NIPAL3: variants seen among roughly 807,000 people sequenced by gnomAD.
NIPAL3 encodes NIPA-like protein 3.
Under a neutral mutation model 47.2 loss-of-function variants are expected in NIPAL3, and 41 were observed. That is an observed-to-expected ratio of 0.87 (90% CI 0.68 to 1.13). NIPAL3 has a LOEUF of 1.13. Ranked by LOEUF, NIPAL3 falls within the 50% of genes most tolerant of loss-of-function variation. The pLI, the probability that NIPAL3 is intolerant of heterozygous loss-of-function variation, is 0.00. For synonymous variants in NIPAL3, 194 were observed against 209.6 expected (o/e 0.93, Z 0.64); for missense variants, 449 against 530.1 (o/e 0.85, Z 1.50).
chr1:24,436,313 C>T (rs1205211872), intron 2 of NIPAL3, among the ~76,000 whole-genome samples: 4 of 151,662 alleles, frequency 2.6e-5, no homozygotes, highest in Non-Finnish European at 4.4e-5. Context: ...TTTTTTTACC[C>T]TGCTCCACCC....
At chr1:24,429,780 ATTGCAATTCAGTTTGC>A (rs1644796293) in intron 2 of NIPAL3, among the ~76,000 whole-genome samples, 1 of 152,210 alleles carries the variant, frequency 6.6e-6, no homozygotes, top group Non-Finnish European at 1.5e-5. Context: ...TACTGGTTAC[ATTGCAATTCAGTTTGC>A]TTACATAGGA....
Position 24,416,006 on chromosome 1 carries a change from TCC to T in NIPAL3, c.-258+103_-258+104del. The T allele has an allele frequency of 1.0e-6, 1 of 985,442 alleles. No homozygotes were observed. Among genetic ancestry groups the T allele is most frequent in the Non-Finnish European group, 1.2e-6 (1 of 829,962 alleles). 61.0% of individuals were successfully genotyped at this position (985,442 alleles called of 1,614,324 possible). ...TAACGTCCCCTAGTGTACATACCCT[TCC>T]TTCTTACTGTCACCAGCCTCGCCAA... is the stretch of plus-strand genomic sequence containing the variant. On this transcript the variant is annotated intron_variant, in intron 1 of 11. Coordinates refer to ENST00000374399, the MANE Select transcript of NIPAL3 (RefSeq NM_020448.5). This position sits in a 1 kb window ranked among gnomAD's most constrained non-coding sequence, Gnocchi z 4.8.
chr1:24,450,129 C>A (rs570264385), intron 6 of NIPAL3, among the ~76,000 whole-genome samples: 1 of 152,272 alleles, frequency 6.6e-6, no homozygotes, highest in Admixed American at 6.5e-5. Flanking sequence ...ACAGTAATAT[C>A]AAAACCATTA....
chr1:24,423,639 C>CA (rs1644438808), intron 2 of NIPAL3, among the ~76,000 whole-genome samples: 3 of 151,840 alleles, frequency 2.0e-5, no homozygotes, highest in East Asian at 3.9e-4. Flanking sequence ...CACACACACA[C>CA]ACAAAAAAGG....
intron 2 of NIPAL3, among the ~76,000 whole-genome samples, chr1:24,436,977 C>T (rs1311695857): frequency 1.3e-5 from 2 of 151,074 alleles, no homozygotes; most frequent in African/African-American, 2.4e-5. Flanking sequence ...ACTGGCTGGG[C>T]GTGGTGGCTC....
chr1:24,415,988 C>T, intron 1 of NIPAL3, 84 bp downstream of exon 1: 1 of 985,220 alleles, frequency 1.0e-6, no homozygotes, highest in Non-Finnish European at 1.2e-6. Context: ...ACCTAACGTC[C>T]CCTAGTGTAC....
intron 8 of NIPAL3, among the ~76,000 whole-genome samples, chr1:24,458,368 G>T (rs114672176): frequency 0.012 from 1,790 of 152,266 alleles, 17 homozygotes; most frequent in Non-Finnish European, 0.018. Flanking sequence ...CAAGGGTATT[G>T]TTTATCATAG....
intron 4 of NIPAL3, 21 bp downstream of exon 4, chr1:24,442,247 C>A: frequency 6.2e-7 from 1 of 1,610,636 alleles, no homozygotes; most frequent in South Asian, 1.1e-5. Context: ...GGCTGCCCCA[C>A]CCTCCCCTGG....
Position 24,458,970 on chromosome 1 carries a change from A to C in NIPAL3, c.856A>C (p.Thr286Pro). 6.2e-7 allele frequency: 1 copy of C among 1,613,780 alleles called. No individual in the cohort carries two copies. Among genetic ancestry groups the C allele is most frequent in the Non-Finnish European group, 8.5e-7 (1 of 1,179,728 alleles). ...CATTCTGTCCACAACCATTGCTATC[A>C]CAGCAGGTAAGGGTGACCCATTGCT... ...GYILSTTIAI[T>P]AGAIFYLDFI... is the part of the protein sequence containing the mutation. Residue 286 changes from threonine to proline, a missense_variant, in exon 9 of 12, where the codon ACA becomes CCA. Transcript: ENST00000374399.
Position 24,460,462 on chromosome 1 carries a change from CTA to C in NIPAL3, c.863-17_863-16del. Reference sequence around the variant, plus strand: ...TTTGAAAACAGCTCAGCGGTATTTTCTATGATTTGCTGCTGCAGGTGCAATAT... The same window carrying C: ...TTTGAAAACAGCTCAGCGGTATTTTCTGATTTGCTGCTGCAGGTGCAATAT... On this transcript the variant is annotated splice_polypyrimidine_tract_variant and intron_variant, in intron 9 of 11. Transcript: ENST00000374399. 6.3e-7 allele frequency: 1 copy of C among 1,583,638 alleles called. No homozygotes were observed. The highest frequency in any genetic ancestry group is 8.6e-7 in the Non-Finnish European group (1 of 1,166,988).
intron 2 of NIPAL3, among the ~76,000 whole-genome samples, chr1:24,432,685 G>A (rs891027839): frequency 6.6e-6 from 1 of 152,184 alleles, no homozygotes; most frequent in Non-Finnish European, 1.5e-5. Flanking sequence ...CTTCCTCACT[G>A]TAAAATTAGA....
At chr1:24,420,732 A>G (rs1473823725) in intron 2 of NIPAL3, among the ~76,000 whole-genome samples, 1 of 152,134 alleles carries the variant, frequency 6.6e-6, no homozygotes, top group Non-Finnish European at 1.5e-5. Flanking sequence ...TTTTCGAATG[A>G]TTGCCCAATA....
At chr1:24,438,337 G>T (rs1332670658) in intron 2 of NIPAL3, among the ~76,000 whole-genome samples, 1 of 151,872 alleles carries the variant, frequency 6.6e-6, no homozygotes, top group African/African-American at 2.4e-5. Context: ...GGCAGAGCTG[G>T]GACTAGACTG....
intron 5 of NIPAL3, among the ~76,000 whole-genome samples, chr1:24,447,973 T>C (rs1645751120): frequency 6.6e-6 from 1 of 152,252 alleles, no homozygotes; most frequent in Admixed American, 6.5e-5. Context: ...TAGACCTGTG[T>C]TGGACGCTGC....
intron 7 of NIPAL3, among the ~76,000 whole-genome samples, chr1:24,455,471 T>G (rs959336051): frequency 5.9e-5 from 9 of 152,240 alleles, no homozygotes; most frequent in African/African-American, 2.2e-4. Flanking sequence ...TGGAAATGTT[T>G]GCACATATGC....
chr1:24,434,650 A>C (rs192533751), intron 2 of NIPAL3, among the ~76,000 whole-genome samples: 1 of 152,340 alleles, frequency 6.6e-6, no homozygotes, highest in East Asian at 1.9e-4. Flanking sequence ...TCTTAAGTGC[A>C]CATGAACATT....
At chr1:24,458,555 T>C (rs1038949670) in intron 8 of NIPAL3, among the ~76,000 whole-genome samples, 1 of 151,858 alleles carries the variant, frequency 6.6e-6, no homozygotes, top group Non-Finnish European at 1.5e-5. Context: ...CAGGAATGGC[T>C]CTTTTTAGTG....
At chr1:24,423,043 C>T (rs1644404862) in intron 2 of NIPAL3, among the ~76,000 whole-genome samples, 1 of 152,216 alleles carries the variant, frequency 6.6e-6, no homozygotes, top group South Asian at 2.1e-4. Context: ...CTCCCCTCCC[C>T]GCAGGGGTAA....
chr1:24,458,786 A>G, intron 8 of NIPAL3, 102 bp from the exon 9 acceptor site: 1 of 882,686 alleles, frequency 1.1e-6, no homozygotes, highest in Non-Finnish European at 1.9e-6. Context: ...GAACATTCCT[A>G]AATGTATCAT....
Sources: gnomAD v4.1 joint callset for allele counts (sites outside exome capture counted in the v4.1 genomes callset) on GRCh38, gnomAD v4.1.1 for gene constraint, Gnocchi (gnomAD v3.1) non-coding constraint, MANE v1.5 for transcripts, NCBI Gene and HGNC (gene_info 2026-07-23, HGNC 2026-07-21) for gene names.